Variants in PALS2 observed in about 807,000 individuals in gnomAD.
The protein encoded by PALS2 is protein PALS2.
Under a neutral mutation model 61.6 loss-of-function variants are expected in PALS2, and 27 were observed. That is an observed-to-expected ratio of 0.44 (90% CI 0.32 to 0.60). The LOEUF (loss-of-function observed/expected upper bound fraction) is 0.60, where lower values mean the gene tolerates loss of function less well. PALS2 is among the 20% of genes least tolerant of loss of function. The pLI, the probability that PALS2 is intolerant of heterozygous loss-of-function variation, is 0.05. For synonymous variants in PALS2, 236 were observed against 218.6 expected (o/e 1.08, Z -0.70); for missense variants, 554 against 639.4 (o/e 0.87, Z 1.44).
chr7:24,589,357 A>G (rs574173384), intron 1 of PALS2: 23 of 152,176 alleles, frequency 1.5e-4, no homozygotes, highest in African/African-American at 4.1e-4. Context: ...GCAACTCTAT[A>G]TGGTTATTTT....
intron 1 of PALS2, among the ~76,000 whole-genome samples, chr7:24,601,040 C>T (rs1000906839): frequency 2.6e-5 from 4 of 152,068 alleles, no homozygotes; most frequent in Non-Finnish European, 5.9e-5. Context: ...GCTACTACAT[C>T]GAACATTTTT....
intron 2 of PALS2, among the ~76,000 whole-genome samples, chr7:24,624,604 TC>T (rs1459695296): frequency 2.1e-4 from 26 of 124,534 alleles, no homozygotes; most frequent in Non-Finnish European, 3.1e-4. Context: ...TGCAGATTCT[TC>T]TTTTTTTTTT....
At chr7:24,650,390 A>G in intron 4 of PALS2, 95 bp from the exon 5 acceptor site, 1 of 998,668 alleles carries the variant, frequency 1.0e-6, no homozygotes, top group South Asian at 1.7e-5. Context: ...GATTCATTTT[A>G]CCTAGTTTTA....
chr7:24,641,145 A>G (rs937880620), intron 2 of PALS2, among the ~76,000 whole-genome samples: 22 of 152,008 alleles, frequency 1.4e-4, no homozygotes, highest in Non-Finnish European at 3.1e-4. Flanking sequence ...TTCCCTGATT[A>G]AATTATATAG....
At chr7:24,680,261 C>A in intron 10 of PALS2, 131 bp from the exon 11 acceptor site, 1 of 854,538 alleles carries the variant, frequency 1.2e-6, no homozygotes, top group Non-Finnish European at 1.7e-6. Context: ...AAGGACAGAA[C>A]AGGGATAAGT....
chr7:24,653,097 A>G (rs1786244041), intron 5 of PALS2, among the ~76,000 whole-genome samples: 1 of 152,208 alleles, frequency 6.6e-6, no homozygotes, highest in Admixed American at 6.5e-5. Context: ...GAAACAATAT[A>G]AGAAAATATA....
At chr7:24,652,842 CAGT>C (rs1484217537) in intron 5 of PALS2, among the ~76,000 whole-genome samples, 6 of 152,256 alleles carry the variant, frequency 3.9e-5, no homozygotes, top group African/African-American at 1.4e-4. Context: ...AAAGCATAGT[CAGT>C]AGATGATCTT....
chr7:24,623,882 A>G lies in PALS2; in HGVS notation c.117+98A>G, dbSNP rs1018772842. On this transcript the variant is annotated intron_variant, in intron 2 of 11. Transcript: ENST00000222644. ...CTATTTTAGAATTTGGTTGATATAC[A>G]TTAGGTTTAGTTAGCAAATAAAAAC... is the stretch of plus-strand genomic sequence containing the variant. 6.4e-5 allele frequency: 68 copies of G among 1,059,502 alleles called. No homozygotes were observed. The South Asian group carries it at 8.3e-4, about 13-fold the overall frequency. The allele number at this position is 1,059,502 out of a possible 1,614,324, so 65.6% of individuals were successfully genotyped here. A position where few individuals can be genotyped will look rare whatever the true frequency, so the allele number is the denominator to read the frequency against.
intron 1 of PALS2, chr7:24,574,241 G>A (rs1782564710): frequency 6.6e-6 from 1 of 152,280 alleles, no homozygotes; most frequent in Non-Finnish European, 1.5e-5. Context: ...GGCTGCCGCG[G>A]GGGCGTTCGC....
chr7:24,673,762 G>A (rs1298989555), intron 9 of PALS2, among the ~76,000 whole-genome samples: 5 of 151,432 alleles, frequency 3.3e-5, no homozygotes, highest in Non-Finnish European at 7.4e-5. Flanking sequence ...CTGATTTTCT[G>A]TATTTTTTCT....
chr7:24,603,383 A>G (rs74380660), intron 1 of PALS2, among the ~76,000 whole-genome samples: 1,653 of 152,336 alleles, frequency 0.011, 28 homozygotes, highest in African/African-American at 0.037. Context: ...GGAAACAAAT[A>G]GAGAAAACCT....
intron 6 of PALS2, 151 bp downstream of exon 6, chr7:24,663,872 G>A (rs901877193): frequency 4.1e-5 from 42 of 1,016,954 alleles, no homozygotes; most frequent in Non-Finnish European, 5.7e-5. Context: ...TAATTTTGTG[G>A]ACATAAGATC....
intron 1 of PALS2, among the ~76,000 whole-genome samples, chr7:24,609,188 G>A (rs1265060284): frequency 1.3e-5 from 2 of 152,116 alleles, no homozygotes; most frequent in East Asian, 1.9e-4. Context: ...TATAAATGAA[G>A]GACTAGGGTG....
At chr7:24,595,515 T>TATA in intron 1 of PALS2, among the ~76,000 whole-genome samples, 1 of 105,166 alleles carries the variant, frequency 9.5e-6, no homozygotes, top group South Asian at 2.8e-4. Context: ...ATATAATATA[T>TATA]AATATATATA....
chr7:24,661,947 T>G (rs1255711936), intron 5 of PALS2, among the ~76,000 whole-genome samples: 1 of 152,292 alleles, frequency 6.6e-6, no homozygotes, highest in African/African-American at 2.4e-5. Context: ...CCAACTAAAT[T>G]TCCTTTGGTT....
chr7:24,641,129 GATC>G (rs1785531599), intron 2 of PALS2, among the ~76,000 whole-genome samples: 1 of 151,212 alleles, frequency 6.6e-6, no homozygotes, highest in Admixed American at 6.6e-5. Context: ...AAAGACAGAT[GATC>G]ATTTCCCTGA....
At chr7:24,623,556 T>C in intron 1 of PALS2, 110 bp from the exon 2 acceptor site, 1 of 604,994 alleles carries the variant, frequency 1.7e-6, no homozygotes, top group East Asian at 3.0e-5. Context: ...AGAGTATTCT[T>C]AATGTCTAGT....
intron 3 of PALS2, among the ~76,000 whole-genome samples, chr7:24,642,096 A>C (rs770970740): frequency 3.9e-5 from 6 of 152,234 alleles, no homozygotes; most frequent in Non-Finnish European, 5.9e-5. Flanking sequence ...AATACATCAC[A>C]ATGGATTTTT....
chr7:24,635,607 A>G (rs1020134959), intron 2 of PALS2, among the ~76,000 whole-genome samples: 1 of 152,186 alleles, frequency 6.6e-6, no homozygotes, highest in African/African-American at 2.4e-5. Context: ...GAGAGTGGAC[A>G]TCTTTGTCTT....
Sources: allele counts gnomAD v4.1 joint callset (sites outside exome capture counted in the v4.1 genomes callset), GRCh38; gene constraint gnomAD v4.1.1; transcripts MANE v1.5; gene names NCBI Gene and HGNC (gene_info 2026-07-23, HGNC 2026-07-21).